The following MIPEP variants were observed in gnomAD, a reference collection of about 807,000 sequenced individuals.
The protein encoded by MIPEP is mitochondrial intermediate peptidase.
A neutral mutation model predicts 90.3 loss-of-function variants in MIPEP; 79 were observed. That is an observed-to-expected ratio of 0.87 (90% CI 0.73 to 1.05). MIPEP has a LOEUF of 1.05. MIPEP is among the 50% of genes least tolerant of loss of function. MIPEP has a pLI of 0.00. For synonymous variants in MIPEP, 334 were observed against 315.8 expected (o/e 1.06, Z -0.61); for missense variants, 940 against 905.6 (o/e 1.04, Z -0.49).
chr13:23,763,887 G>T (rs559167632), intron 16 of MIPEP, among the ~76,000 whole-genome samples: 1 of 152,282 alleles, frequency 6.6e-6, no homozygotes, highest in South Asian at 2.1e-4. Context: ...CTGTGGCTAA[G>T]ACCTACAATT....
In MIPEP at chr13:23,764,282, T is replaced by A. The variant is rs138500490; in HGVS notation, c.1849-4065A>T. Among the ~76,000 whole-genome samples, 266 of 152,278 alleles carry A rather than the reference T, an allele frequency of 1.7e-3. 2 individuals carry two copies. Among genetic ancestry groups the A allele is most frequent in the African/African-American group, 6.1e-3 (253 of 41,550 alleles). Reference sequence around the variant, plus strand: ...AGTGATCCCATACGAAAGACAAAACTTGGAGCCAGCAAAGCAGCCTGTCAG... The same window carrying A: ...AGTGATCCCATACGAAAGACAAAACATGGAGCCAGCAAAGCAGCCTGTCAG... On this transcript the variant is annotated intron_variant, in intron 16 of 18. Transcript: ENST00000382172.
chr13:23,756,307 A>C, intron 18 of MIPEP: 3 of 434,744 alleles, frequency 6.9e-6, no homozygotes, highest in South Asian at 6.4e-5. Context: ...GGCGTCTGCC[A>C]CCACGCCCAG....
intron 7 of MIPEP, 86 bp from the exon 8 acceptor site, chr13:23,864,275 T>C: frequency 1.1e-6 from 1 of 939,328 alleles, no homozygotes; most frequent in Non-Finnish European, 1.6e-6. Context: ...ATGATCATAA[T>C]CTATATCCCA....
At position 23,843,253 on chromosome 13, in the gene MIPEP, T is replaced by A. The variant is rs538647259; in HGVS notation, c.1107-1765A>T. 2.4e-4 allele frequency among the ~76,000 whole-genome samples: 36 copies of A among 152,174 alleles called. No homozygotes were observed. The East Asian group carries it at 6.8e-3, about 29-fold the overall frequency. ...AGCCTGGTAACTTCTAGAAAGGATGTGGTTAAAGATGAAGCAGTTACCAAT... is the reference window on the plus strand; with the variant it reads ...AGCCTGGTAACTTCTAGAAAGGATGAGGTTAAAGATGAAGCAGTTACCAAT... On this transcript the variant is annotated intron_variant, in intron 10 of 18. Coordinates refer to ENST00000382172, the MANE Select transcript of MIPEP (RefSeq NM_005932.4).
Position 23,744,234 on chromosome 13 carries a change from T to C in MIPEP, c.2044+12311A>G, listed in dbSNP as rs189513371. ...ACATACTAGTATATATATTAGCTACTAGTTAGCATACTAGTTGGCACATGC... is the reference window on the plus strand; with the variant it reads ...ACATACTAGTATATATATTAGCTACCAGTTAGCATACTAGTTGGCACATGC... On this transcript the variant is annotated intron_variant, in intron 18 of 18. Transcript: ENST00000382172. Among the ~76,000 whole-genome samples the C allele has an allele frequency of 2.0e-5, 3 of 152,356 alleles. No individual in the cohort carries two copies. In the East Asian group the frequency reaches 5.8e-4, roughly 29 times the overall value.
At chr13:23,885,533 C>T (rs1871438775) in intron 2 of MIPEP, among the ~76,000 whole-genome samples, 1 of 151,718 alleles carries the variant, frequency 6.6e-6, no homozygotes, top group Non-Finnish European at 1.5e-5. Context: ...CATTGCATGC[C>T]TCTATCAAAA....
chr13:23,734,450 CTT>C (rs1156375701), intron 18 of MIPEP, among the ~76,000 whole-genome samples: 4 of 152,298 alleles, frequency 2.6e-5, no homozygotes, highest in Non-Finnish European at 5.9e-5. Flanking sequence ...GTCAAGGAAA[CTT>C]ATTTTAAACT....
At chr13:23,856,173 G>A (rs9510902) in intron 10 of MIPEP, among the ~76,000 whole-genome samples, 48,924 of 152,108 alleles carry the variant, frequency 0.32, 8,826 homozygotes, top group East Asian at 0.47. Context: ...TAAGCACAGC[G>A]GAGCCAGGAG....
chr13:23,753,757 G>A (rs1472827647), intron 18 of MIPEP, among the ~76,000 whole-genome samples: 3 of 152,194 alleles, frequency 2.0e-5, no homozygotes, highest in African/African-American at 7.2e-5. Context: ...TCTGAGCAGA[G>A]CCCTGTTCCC....
At chr13:23,744,309 A>G (rs563014891) in intron 18 of MIPEP, among the ~76,000 whole-genome samples, 16 of 152,334 alleles carry the variant, frequency 1.1e-4, no homozygotes, top group Admixed American at 3.3e-4. Context: ...ACCCAATAAT[A>G]TCTTCTTTGA....
chr13:23,814,459 C>T (rs530108551), intron 14 of MIPEP, among the ~76,000 whole-genome samples: 3 of 152,168 alleles, frequency 2.0e-5, no homozygotes, highest in Admixed American at 2.0e-4. Flanking sequence ...GACGGGGTTT[C>T]ACTGTATTAA....
chr13:23,752,132 T>C (rs142954650), intron 18 of MIPEP, among the ~76,000 whole-genome samples: 3 of 152,188 alleles, frequency 2.0e-5, no homozygotes, highest in African/African-American at 7.2e-5. Flanking sequence ...ACCTGTGTTA[T>C]AGGGGATTAA....
intron 18 of MIPEP, among the ~76,000 whole-genome samples, chr13:23,746,536 A>G (rs1304777326): frequency 1.3e-5 from 2 of 150,280 alleles, no homozygotes; most frequent in East Asian, 4.0e-4. Context: ...CAGGAGGCTG[A>G]GGCATGAGAA....
At chr13:23,878,556 CAAATGAGAAAA>C (rs1203159457) in intron 4 of MIPEP, among the ~76,000 whole-genome samples, 4 of 151,962 alleles carry the variant, frequency 2.6e-5, no homozygotes, top group Admixed American at 2.6e-4. Flanking sequence ...CAGGAACAAA[CAAATGAGAAAA>C]AAAATTAATC....
chr13:23,780,282 CATTTGCTGTTCAGCAAT>C (rs1442988691), intron 16 of MIPEP, among the ~76,000 whole-genome samples: 1 of 152,368 alleles, frequency 6.6e-6, no homozygotes, highest in South Asian at 2.1e-4. Context: ...CAAGCAGGAA[CATTTGCTGTTCAGCAAT>C]ATTTGCTGTT....
At chr13:23,754,881 T>A (rs937947387) in intron 18 of MIPEP, among the ~76,000 whole-genome samples, 1 of 152,172 alleles carries the variant, frequency 6.6e-6, no homozygotes, top group African/African-American at 2.4e-5. Context: ...TTTGCCTGGG[T>A]CTGGAACAGA....
intron 18 of MIPEP, among the ~76,000 whole-genome samples, chr13:23,751,922 A>AT (rs1952445891): frequency 1.6e-5 from 2 of 122,332 alleles, no homozygotes; most frequent in South Asian, 2.4e-4. Context: ...AGGTTGCGAC[A>AT]TTAAAAAAAA....
At chr13:23,854,750 G>A (rs1869974623) in intron 10 of MIPEP, among the ~76,000 whole-genome samples, 1 of 152,002 alleles carries the variant, frequency 6.6e-6, no homozygotes, top group African/African-American at 2.4e-5. Context: ...AAATTAGCTG[G>A]GTGTGGTGGT....
rs1871657868 is a variant in MIPEP, at chr13:23,888,913, G to A, written c.189+219C>T. On this transcript the variant is annotated intron_variant, in intron 1 of 18. Transcript: ENST00000382172. ...AGGGGCTCATGCAGAAGCAGTTCCC[G>A]GACCCGACACTCTGGGTAGGAGACC... 2.1e-5 allele frequency: 11 copies of A among 525,850 alleles called. No homozygotes were observed. In the South Asian group the frequency reaches 5.5e-4, roughly 26 times the overall value. The allele number at this position is 525,850 out of a possible 1,614,324, so 32.6% of individuals were successfully genotyped here.
Sources: allele counts gnomAD v4.1 joint callset (sites outside exome capture counted in the v4.1 genomes callset), GRCh38; gene constraint gnomAD v4.1.1; transcripts MANE v1.5; gene names NCBI Gene and HGNC (gene_info 2026-07-23, HGNC 2026-07-21).